The following CCND3 variants were observed in gnomAD, a reference collection of about 807,000 sequenced individuals.
The protein encoded by CCND3 is cyclin D3.
CCND3 carries 9 observed loss-of-function variants against 28.7 expected under a neutral mutation model. The ratio of observed to expected loss-of-function variants is 0.31; its 90% CI spans 0.19 to 0.55. CCND3 has a LOEUF of 0.55. Among genes scored for constraint, CCND3 ranks in the 20% least tolerant of loss-of-function variants. The probability of loss-of-function intolerance (pLI) is 0.93; values close to 1 mark genes in which losing one functional copy is unlikely to be tolerated. For synonymous variants in CCND3, 164 were observed against 163.9 expected, an observed-to-expected ratio of 1.00 and a Z score of 0.00; for missense variants, 315 against 385.8, an observed-to-expected ratio of 0.82 and a Z score of 1.54.
chr6:41,953,405 G>A (rs749532500), intron 1 of CCND3, among the ~76,000 whole-genome samples: 6 of 152,088 alleles, frequency 3.9e-5, no homozygotes, highest in Admixed American at 2.6e-4. Context: ...GTCAAAGGGG[G>A]ATAACAAGAC....
chr6:42,030,591 A>G (rs1223547242), intron 1 of CCND3, among the ~76,000 whole-genome samples: 1 of 152,074 alleles, frequency 6.6e-6, no homozygotes, highest in Non-Finnish European at 1.5e-5. Flanking sequence ...GGACCACTCC[A>G]CTGTCTCCTC....
intron 1 of CCND3, among the ~76,000 whole-genome samples, chr6:41,986,517 A>T (rs1187586751): frequency 2.0e-5 from 3 of 151,804 alleles, no homozygotes; most frequent in African/African-American, 7.2e-5. Context: ...TCCTAAGTAT[A>T]TTATTTTTGC....
intron 1 of CCND3, among the ~76,000 whole-genome samples, chr6:41,984,289 T>G (rs908314196): frequency 6.6e-6 from 1 of 152,188 alleles, no homozygotes; most frequent in African/African-American, 2.4e-5. Flanking sequence ...GGATTTGATT[T>G]CCTTTGGATA....
At chr6:41,989,269 G>A (rs976437090) in intron 1 of CCND3, among the ~76,000 whole-genome samples, 2 of 151,770 alleles carry the variant, frequency 1.3e-5, no homozygotes, top group Non-Finnish European at 2.9e-5. Flanking sequence ...GATCGGCCTG[G>A]CCAACATGGT....
At chr6:41,982,485 T>C (rs1001341228) in intron 1 of CCND3, among the ~76,000 whole-genome samples, 1 of 152,096 alleles carries the variant, frequency 6.6e-6, no homozygotes, top group Non-Finnish European at 1.5e-5. Flanking sequence ...GACTCAATGG[T>C]GTCAAAATGT....
At chr6:42,016,367 A>G (rs1041269434) in intron 1 of CCND3, among the ~76,000 whole-genome samples, 10 of 152,168 alleles carry the variant, frequency 6.6e-5, no homozygotes, top group African/African-American at 2.4e-4. Context: ...TGTGTTATAA[A>G]TGAGGAAATT....
Position 41,949,911 on chromosome 6 carries a change from G to A in CCND3, c.-45-9326C>T, listed in dbSNP as rs542905134. Among the ~76,000 whole-genome samples the A allele has an allele frequency of 4.7e-5, 7 of 150,118 alleles. No homozygotes were observed. The South Asian group carries it at 1.3e-3, about 27-fold the overall frequency. On this transcript the variant is annotated intron_variant, in intron 1 of 4. Transcript: ENST00000372988. ...AGGTTGAGACCATCCTGGCTAACAC[G>A]ATGAAACCCTGTCTTTACTAAAAAT...
At chr6:42,022,389 A>G (rs1409660371) in intron 1 of CCND3, among the ~76,000 whole-genome samples, 3 of 152,218 alleles carry the variant, frequency 2.0e-5, no homozygotes, top group African/African-American at 7.2e-5. Flanking sequence ...CAGCACACAC[A>G]AAAAGGGTGG....
Position 41,936,416 on chromosome 6 carries a change from G to T in CCND3, c.711+143C>A. On this transcript the variant is annotated intron_variant, in intron 4 of 4. Coordinates refer to ENST00000372991, the MANE Select transcript of CCND3 (RefSeq NM_001760.5). The surrounding 1 kb of genome is among the most constrained non-coding windows in gnomAD (Gnocchi z 4.4). Reference sequence around the variant, plus strand: ...CTTGCTCTTCCCCAGACCAAGGCAGGAGATAAAAAGCCACAAAGCCCCAAG... The same window carrying T: ...CTTGCTCTTCCCCAGACCAAGGCAGTAGATAAAAAGCCACAAAGCCCCAAG... 1.0e-6 allele frequency: 1 copy of T among 973,842 alleles called. No individual in the cohort carries two copies. The highest frequency in any genetic ancestry group is 1.5e-6 in the Non-Finnish European group (1 of 648,252). 60.3% of individuals were successfully genotyped at this position (973,842 alleles called of 1,614,324 possible).
In CCND3 at chr6:41,936,002, A is replaced by G. The variant is rs775393073; in HGVS notation, c.817T>C (p.Ser273Pro). The stretch of plus-strand genomic sequence containing the variant: ...GTCTGGCTGGGCCCTTGGCTGCTGG[A>G]GCCCCGGGGGGCTTTGGGCGCTGGG... ...SSPAPKAPRG[S>P]SSQGPSQTST... The change falls in exon 5 of 5, where the codon TCC (serine) becomes CCC (proline). Residue 273 changes from serine (S) to proline (P), a missense_variant. Physicochemically the swap from Ser to Pro is moderately conservative, Grantham distance 74 (BLOSUM62 -1). Transcript: ENST00000372991. The surrounding 1 kb of genome is among the most constrained non-coding windows in gnomAD (Gnocchi z 4.4). 1.5e-5 allele frequency: 25 copies of G among 1,613,246 alleles called. No individual in the cohort carries two copies. The highest frequency in any genetic ancestry group is 2.0e-5 in the Non-Finnish European group (24 of 1,179,732).
chr6:41,967,954 T>A (rs1761932564), intron 1 of CCND3, among the ~76,000 whole-genome samples: 1 of 152,158 alleles, frequency 6.6e-6, no homozygotes, highest in African/African-American at 2.4e-5. Context: ...GCACCCAGGA[T>A]TTTGTAATAA....
At chr6:41,962,855 A>G (rs989176743) in intron 1 of CCND3, among the ~76,000 whole-genome samples, 1 of 152,134 alleles carries the variant, frequency 6.6e-6, no homozygotes, top group East Asian at 1.9e-4. Context: ...GGTTCAAGCG[A>G]TTCTCCTGTC....
intron 1 of CCND3, among the ~76,000 whole-genome samples, chr6:41,969,846 C>T (rs1437640349): frequency 6.6e-6 from 1 of 152,166 alleles, no homozygotes. Context: ...CTACCACTTG[C>T]TTCTTGTGTG....
chr6:42,027,280 A>G (rs1055407377), intron 1 of CCND3, among the ~76,000 whole-genome samples: 31 of 152,202 alleles, frequency 2.0e-4, no homozygotes, highest in Admixed American at 3.3e-4. Context: ...TCTACTAAAA[A>G]TACAAAAAAA....
At chr6:42,009,468 C>T (rs1763273612) in intron 1 of CCND3, among the ~76,000 whole-genome samples, 1 of 152,116 alleles carries the variant, frequency 6.6e-6, no homozygotes, top group South Asian at 2.1e-4. Flanking sequence ...AAAAATTAGC[C>T]AGGTGTGGTG....
At chr6:42,017,286 G>T (rs1763551491) in intron 1 of CCND3, among the ~76,000 whole-genome samples, 2 of 152,348 alleles carry the variant, frequency 1.3e-5, no homozygotes, top group Admixed American at 6.5e-5. Context: ...GGCACTTGGG[G>T]CCTGGGAGGG....
Position 42,048,319 on chromosome 6 carries a change from G to T in CCND3, c.-46+182C>A. ...GCTCAGGGCCTTTGGGGGTTTCTCT[G>T]CCCTTCAATTCCGTGCAGAACACCT... is the stretch of plus-strand genomic sequence containing the variant. On this transcript the variant is annotated intron_variant, in intron 1 of 4. Coordinates refer to the CCND3 transcript ENST00000372988. This position sits in a 1 kb window ranked among gnomAD's most constrained non-coding sequence, Gnocchi z 4.7. 1 of 317,880 alleles carries T rather than the reference G, an allele frequency of 3.1e-6. No homozygotes were observed. Among genetic ancestry groups the T allele is most frequent in the Middle Eastern group, 4.3e-4 (1 of 2,302 alleles). The allele number at this position is 317,880 out of a possible 1,614,324, so 19.7% of individuals were successfully genotyped here. A position where few individuals can be genotyped will look rare whatever the true frequency, so the allele number is the denominator to read the frequency against.
chr6:42,040,531 C>T (rs536477154), intron 1 of CCND3, among the ~76,000 whole-genome samples: 1 of 152,166 alleles, frequency 6.6e-6, no homozygotes, highest in African/African-American at 2.4e-5. Context: ...GATACTTAAC[C>T]TCTGTGCCTC....
At chr6:41,980,896 T>A (rs1054566201) in intron 1 of CCND3, among the ~76,000 whole-genome samples, 1 of 152,034 alleles carries the variant, frequency 6.6e-6, no homozygotes, top group Admixed American at 6.6e-5. Context: ...ATAAAGAACA[T>A]CTGCAAAAAA....
Sources: gnomAD v4.1 joint callset for allele counts (sites outside exome capture counted in the v4.1 genomes callset) on GRCh38, gnomAD v4.1.1 for gene constraint, Gnocchi (gnomAD v3.1) non-coding constraint, MANE v1.5 for transcripts, NCBI Gene and HGNC (gene_info 2026-07-23, HGNC 2026-07-21) for gene names.